KCNC2: variants seen among roughly 807,000 people sequenced by gnomAD.
KCNC2 encodes voltage-gated potassium channel KCNC2.
In KCNC2, 21 loss-of-function variants were observed where a neutral mutation model predicts 44.5. The ratio of observed to expected loss-of-function variants is 0.47; its 90% CI spans 0.33 to 0.68. The LOEUF is 0.68. Ranked by LOEUF, KCNC2 falls within the 30% of genes least tolerant of loss-of-function variation. The pLI is 0.01. For missense variants in KCNC2, 589 were observed against 826.2 expected, an observed-to-expected ratio of 0.71 and a Z score of 3.52; for synonymous variants, 391 against 339.1, an observed-to-expected ratio of 1.15 and a Z score of -1.68.
At chr12:75,087,980 A>G (rs1262578407) in intron 2 of KCNC2, among the ~76,000 whole-genome samples, 1 of 142,012 alleles carries the variant, frequency 7.0e-6, no homozygotes, top group African/African-American at 2.8e-5. Context: ...TTTCATGGCA[A>G]TGGATATCAG....
At position 75,181,916 on chromosome 12, in the gene KCNC2, C is replaced by CTTTTTT. The variant is rs61089425; in HGVS notation, c.687+25375_687+25380dup. Among the ~76,000 whole-genome samples the CTTTTTT allele has an allele frequency of 2.7e-3, 130 of 47,876 alleles. 44 individuals carry two copies. Among genetic ancestry groups the CTTTTTT allele is most frequent in the East Asian group, 9.9e-3 (10 of 1,014 alleles). The allele number at this position is 47,876 out of a possible 152,430, so 31.4% of individuals were successfully genotyped here. A position where few individuals can be genotyped will look rare whatever the true frequency, so the allele number is the denominator to read the frequency against. ...AAACATTATTACTATTAATATCTTC[C>CTTTTTT]TTTTTTTTTTTTTTTTTTTTTTTTT... On this transcript the variant is annotated intron_variant, in intron 2 of 4. Coordinates refer to ENST00000549446, the MANE Select transcript of KCNC2 (RefSeq NM_139137.4).
At chr12:75,106,463 G>T (rs776424107) in intron 2 of KCNC2, among the ~76,000 whole-genome samples, 5 of 152,166 alleles carry the variant, frequency 3.3e-5, no homozygotes, top group Non-Finnish European at 7.3e-5. Context: ...ATGAATAACT[G>T]CTGGGGAGGT....
At chr12:75,150,681 G>A (rs75037637) in intron 2 of KCNC2, among the ~76,000 whole-genome samples, 1,526 of 151,840 alleles carry the variant, frequency 0.01, 20 homozygotes, top group African/African-American at 0.035. Flanking sequence ...ATGAAATACA[G>A]TCTACAGAAA....
chr12:75,098,140 G>T lies in KCNC2; in HGVS notation c.688-46823C>A, dbSNP rs185675932. On this transcript the variant is annotated intron_variant, in intron 2 of 4. Coordinates refer to ENST00000549446, the MANE Select transcript of KCNC2 (RefSeq NM_139137.4). Reference sequence around the variant, plus strand: ...TCTTCCTAAGTAGATGCTGTTCTCGGCTAGATAAGAATAACTTAAGAACAT... The same window carrying T: ...TCTTCCTAAGTAGATGCTGTTCTCGTCTAGATAAGAATAACTTAAGAACAT... 5.3e-5 allele frequency among the ~76,000 whole-genome samples: 8 copies of T among 152,004 alleles called. No homozygotes were observed. In the East Asian group the frequency reaches 1.5e-3, roughly 29 times the overall value.
In KCNC2 at chr12:75,207,760, C is replaced by T; in HGVS notation, c.224G>A (p.Gly75Asp). Residue 75 changes from glycine (G) to aspartate (D), a missense_variant, in exon 2 of 5, where the codon GGC becomes GAC. Coordinates refer to ENST00000549446, the MANE Select transcript of KCNC2 (RefSeq NM_139137.4). This position sits in a 1 kb window ranked among gnomAD's most constrained non-coding sequence, Gnocchi z 4.1. ...PRAPPLSPGP[G>D]GCFEGGAGNC... is the part of the protein sequence containing the mutation. Reference sequence around the variant, plus strand: ...GCCCGCGCCGCCCTCGAAGCAGCCGCCTGGCCCGGGGGACAGCGGGGGCGC... The same window carrying T: ...GCCCGCGCCGCCCTCGAAGCAGCCGTCTGGCCCGGGGGACAGCGGGGGCGC... 1.9e-6 allele frequency: 3 copies of T among 1,571,102 alleles called. No individual in the cohort carries two copies. The highest frequency in any genetic ancestry group is 2.6e-6 in the Non-Finnish European group (3 of 1,158,706).
chr12:75,134,099 A>G (rs189803351), intron 2 of KCNC2, among the ~76,000 whole-genome samples: 3 of 152,092 alleles, frequency 2.0e-5, no homozygotes, highest in African/African-American at 7.2e-5. Context: ...AAAGCAATCT[A>G]TCTATTATGG....
At chr12:75,075,482 T>TATATATATATATATAC (rs1285443264) in intron 2 of KCNC2, among the ~76,000 whole-genome samples, 41 of 127,220 alleles carry the variant, frequency 3.2e-4, no homozygotes, top group Non-Finnish European at 1.8e-4. Flanking sequence ...TATATATATA[T>TATATATATATATATAC]ACACATATAT....
Position 75,048,298 on chromosome 12 carries a change from A to T in KCNC2, c.1635T>A (p.Ser545Arg). Residue 545 changes from serine (S) to arginine (R), a missense_variant, in exon 4 of 5, where the codon AGT becomes AGA. Transcript: ENST00000549446. ...GTGATAGTGGCGGCTCACTTCCTGT[A>T]CTGTCGTCACCTGATAACACTGGTC... ...HNRSVLSGDD[S>R]TGSEPPLSPP... The T allele has an allele frequency of 6.2e-7, 1 of 1,612,152 alleles. No homozygotes were observed. The highest frequency in any genetic ancestry group is 1.7e-5 in the Admixed American group (1 of 59,782).
intron 2 of KCNC2, among the ~76,000 whole-genome samples, chr12:75,051,668 A>G (rs544849284): frequency 6.6e-6 from 1 of 152,312 alleles, no homozygotes; most frequent in African/African-American, 2.4e-5. Context: ...AGAGAAATTT[A>G]GATGACAGTT....
At position 75,049,807 on chromosome 12, in the gene KCNC2, A is replaced by C. The variant is rs530153595; in HGVS notation, c.1615+583T>G. On this transcript the variant is annotated intron_variant, in intron 3 of 4. Transcript: ENST00000549446. ...ATGAGATACCCTACTTAATTTAAGA[A>C]CAATGAAAATTTAATCAATCCTCCA... Among the ~76,000 whole-genome samples the C allele has an allele frequency of 7.9e-5, 12 of 152,276 alleles. No homozygotes were observed. In the South Asian group the frequency reaches 1.0e-3, roughly 13 times the overall value.
intron 2 of KCNC2, among the ~76,000 whole-genome samples, chr12:75,189,842 C>G (rs2030024721): frequency 6.6e-6 from 1 of 151,912 alleles, no homozygotes. Flanking sequence ...AACTTATTGG[C>G]AAAAAAGACA....
chr12:75,126,730 A>C (rs1888452814), intron 2 of KCNC2, among the ~76,000 whole-genome samples: 1 of 152,158 alleles, frequency 6.6e-6, no homozygotes, highest in African/African-American at 2.4e-5. Context: ...TATCTTAAAC[A>C]CTATAGGGTC....
At chr12:75,163,849 G>A (rs189124876) in intron 2 of KCNC2, among the ~76,000 whole-genome samples, 3 of 151,784 alleles carry the variant, frequency 2.0e-5, no homozygotes, top group Admixed American at 1.3e-4. Context: ...TTTCTGTTAA[G>A]TAGGCTTGAA....
At position 75,102,813 on chromosome 12, in the gene KCNC2, CCCCA is replaced by C. The variant is rs1269123430; in HGVS notation, c.688-51500_688-51497del. ...CCACTGCCCATAGAATACATCTCCC[CCCCA>C]CCCACACGTTTATTAATAATAGAGC... is the stretch of plus-strand genomic sequence containing the variant. On this transcript the variant is annotated intron_variant, in intron 2 of 4. Coordinates refer to ENST00000549446, the MANE Select transcript of KCNC2 (RefSeq NM_139137.4). Among the ~76,000 whole-genome samples the C allele has an allele frequency of 6.6e-5, 10 of 152,072 alleles. No homozygotes were observed. The South Asian group carries it at 1.9e-3, about 28-fold the overall frequency.
At chr12:75,146,858 G>A (rs1384178073) in intron 2 of KCNC2, among the ~76,000 whole-genome samples, 1 of 152,148 alleles carries the variant, frequency 6.6e-6, no homozygotes, top group African/African-American at 2.4e-5. Flanking sequence ...TTGGTTTAAT[G>A]TGATTCCCGA....
Position 75,209,721 on chromosome 12 carries a change from A to C in KCNC2, c.-534T>G, listed in dbSNP as rs1008245517. 1 of 152,534 alleles carries C rather than the reference A, an allele frequency of 6.6e-6. No homozygotes were observed. The highest frequency in any genetic ancestry group is 2.4e-5 in the African/African-American group (1 of 41,428). 9.4% of individuals were successfully genotyped at this position (152,534 alleles called of 1,614,324 possible). A position where few individuals can be genotyped will look rare whatever the true frequency, so the allele number is the denominator to read the frequency against. On this transcript the variant is annotated 5_prime_UTR_variant, in exon 1 of 5. An upstream start codon of the reference 5' UTR is lost. Coordinates refer to ENST00000549446, the MANE Select transcript of KCNC2 (RefSeq NM_139137.4). ...CACTCGCCATCAACCTCCCGCCGCC[A>C]TCCGAAGCACAGGGCTCAGGAAAGA...
intron 2 of KCNC2, among the ~76,000 whole-genome samples, chr12:75,191,841 G>A (rs2030309739): frequency 6.6e-6 from 1 of 151,904 alleles, no homozygotes; most frequent in African/African-American, 2.4e-5. Context: ...GAGCCACCGC[G>A]CCCGGCCTAT....
At chr12:75,181,884 A>G (rs994309749) in intron 2 of KCNC2, among the ~76,000 whole-genome samples, 2 of 136,316 alleles carry the variant, frequency 1.5e-5, no homozygotes, top group African/African-American at 5.5e-5. Flanking sequence ...CTACCAGTCT[A>G]CTAGGGAAAC....
At chr12:75,103,194 T>A (rs534424196) in intron 2 of KCNC2, among the ~76,000 whole-genome samples, 1 of 152,192 alleles carries the variant, frequency 6.6e-6, no homozygotes, top group East Asian at 1.9e-4. Context: ...ACAAACAAGC[T>A]GATGAATGGA....
Sources: allele counts gnomAD v4.1 joint callset (sites outside exome capture counted in the v4.1 genomes callset), GRCh38; gene constraint gnomAD v4.1.1; non-coding constraint Gnocchi (gnomAD v3.1); transcripts MANE v1.5; gene names NCBI Gene and HGNC (gene_info 2026-07-23, HGNC 2026-07-21).